Variants in ERICH1 observed in about 807,000 individuals in gnomAD.
ERICH1 encodes glutamate-rich protein 1.
ERICH1 carries 56 observed loss-of-function variants against 39.6 expected under a neutral mutation model. The ratio of observed to expected loss-of-function variants is 1.41; its 90% CI spans 1.14 to 1.77. The LOEUF is 1.77. Ranked by LOEUF, ERICH1 falls within the 40% of genes most tolerant of loss-of-function variation. The pLI, the probability that ERICH1 is intolerant of heterozygous loss-of-function variation, is 0.00. For missense variants in ERICH1, 826 were observed against 575.4 expected, an observed-to-expected ratio of 1.44 and a Z score of -4.45; for synonymous variants, 313 against 223.6, an observed-to-expected ratio of 1.40 and a Z score of -3.57.
chr8:698,566 T>C (rs1474187174), intron 2 of ERICH1, among the ~76,000 whole-genome samples: 2 of 152,072 alleles, frequency 1.3e-5, no homozygotes, highest in African/African-American at 4.8e-5. Context: ...TTTTCCTCAA[T>C]TCTCAATGAC....
intron 3 of ERICH1, among the ~76,000 whole-genome samples, chr8:642,889 C>T (rs1039578255): frequency 6.6e-6 from 1 of 152,108 alleles, no homozygotes; most frequent in Non-Finnish European, 1.5e-5. Flanking sequence ...TTCTGGGTAA[C>T]CAACAGGAAT....
intron 2 of ERICH1, among the ~76,000 whole-genome samples, chr8:698,247 C>G (rs13269399): frequency 0.18 from 27,075 of 149,096 alleles, 3,096 homozygotes; most frequent in Middle Eastern, 0.33. Flanking sequence ...GAGGTGGAGT[C>G]TCACTCTGTC....
At chr8:631,126 C>A (rs1798012169) in intron 3 of ERICH1, among the ~76,000 whole-genome samples, 2 of 152,250 alleles carry the variant, frequency 1.3e-5, no homozygotes, top group South Asian at 2.1e-4. Flanking sequence ...CCTATGATCA[C>A]CCACATGAGG....
intron 5 of ERICH1, among the ~76,000 whole-genome samples, chr8:665,310 C>T (rs1219682371): frequency 6.6e-6 from 1 of 152,216 alleles, no homozygotes; most frequent in Non-Finnish European, 1.5e-5. Flanking sequence ...AACCTCTGAG[C>T]CCGCCGGCCC....
At chr8:718,860 A>G (rs1816647282) in intron 1 of ERICH1, among the ~76,000 whole-genome samples, 1 of 152,122 alleles carries the variant, frequency 6.6e-6, no homozygotes, top group African/African-American at 2.4e-5. Flanking sequence ...CAGATTCGAG[A>G]GGGGTGGTTC....
intron 3 of ERICH1, among the ~76,000 whole-genome samples, chr8:688,266 G>C (rs1384558347): frequency 2.1e-3 from 98 of 46,188 alleles, no homozygotes; most frequent in African/African-American, 8.2e-3. Context: ...CCCGCCCCCA[G>C]TTCCGCCCGT....
At chr8:660,946 G>A (rs1238580288), downstream of ERICH1, among the ~76,000 whole-genome samples, 1 of 152,122 alleles carries the variant, frequency 6.6e-6, no homozygotes, top group Non-Finnish European at 1.5e-5. Context: ...GCTAGCTCCG[G>A]GTTCCTGGGA....
rs550072281 is a variant in ERICH1 at position 654,345 on chromosome 8, G to C, written c.976+14253C>G. Among the ~76,000 whole-genome samples the C allele has an allele frequency of 3.9e-5, 6 of 152,262 alleles. No homozygotes were observed. In the East Asian group the frequency reaches 1.2e-3, roughly 29 times the overall value. On this transcript the variant is annotated intron_variant, in intron 3 of 3. Coordinates refer to the ERICH1 transcript ENST00000522706. ...GTGCTACCATTAGGATGGATGGCCAGGAAGCTCCTTCAGAGGCTTGGTAAG... is the reference window on the plus strand; with the variant it reads ...GTGCTACCATTAGGATGGATGGCCACGAAGCTCCTTCAGAGGCTTGGTAAG...
chr8:642,102 T>G (rs1193502413), intron 3 of ERICH1, among the ~76,000 whole-genome samples: 1 of 152,176 alleles, frequency 6.6e-6, no homozygotes, highest in African/African-American at 2.4e-5. Flanking sequence ...TGATTTCACT[T>G]TGGGTGAGCA....
At chr8:687,411 G>GC (rs1226414768) in intron 3 of ERICH1, among the ~76,000 whole-genome samples, 1 of 152,234 alleles carries the variant, frequency 6.6e-6, no homozygotes, top group African/African-American at 2.4e-5. Flanking sequence ...TAAAAAGCCG[G>GC]CAACGCTCAC....
chr8:702,460 T>G (rs549385696), intron 2 of ERICH1, among the ~76,000 whole-genome samples: 7 of 151,988 alleles, frequency 4.6e-5, no homozygotes, highest in Admixed American at 1.3e-4. Flanking sequence ...ACTCCCTGAG[T>G]GCAGACACAC....
chr8:662,461 C>G (rs983841346), downstream of ERICH1, among the ~76,000 whole-genome samples: 2 of 124,808 alleles, frequency 1.6e-5, no homozygotes, highest in African/African-American at 8.1e-5. Context: ...CCAGCCTGAC[C>G]AACATGGAGA....
At chr8:712,482 T>A (rs1050624592) in intron 2 of ERICH1, among the ~76,000 whole-genome samples, 3 of 152,162 alleles carry the variant, frequency 2.0e-5, no homozygotes, top group African/African-American at 4.8e-5. Flanking sequence ...CAGGCTGGAG[T>A]GCAGTGACAT....
chr8:671,984 A>G lies in ERICH1; in HGVS notation c.1063+1305T>C, dbSNP rs562836718. 6.9e-4 allele frequency: 109 copies of G among 156,954 alleles called. 1 individual carries two copies. Among genetic ancestry groups the G allele is most frequent in the Non-Finnish European group, 1.4e-3 (100 of 70,806 alleles). 9.7% of individuals were successfully genotyped at this position (156,954 alleles called of 1,614,324 possible). A position where few individuals can be genotyped will look rare whatever the true frequency, so the allele number is the denominator to read the frequency against. On this transcript the variant is annotated intron_variant, in intron 4 of 5. Transcript: ENST00000262109. ...TTTTTCTGCCTCTCTGGGCTCCACC[A>G]GGTCCTTTCCCCAGACCCTCACCCA... is the stretch of plus-strand genomic sequence containing the variant.
intron 3 of ERICH1, among the ~76,000 whole-genome samples, chr8:623,770 T>A (rs1797427748): frequency 6.6e-6 from 1 of 152,174 alleles, no homozygotes; most frequent in South Asian, 2.1e-4. Context: ...ACCACAGACC[T>A]TAGTGTCATA....
At chr8:708,693 T>TTTTTTTTTTG (rs1563319603) in intron 2 of ERICH1, among the ~76,000 whole-genome samples, 9 of 126,962 alleles carry the variant, frequency 7.1e-5, no homozygotes, top group East Asian at 6.6e-4. Context: ...TTTTTTTTTT[T>TTTTTTTTTTG]TTTTTTTTTT....
chr8:673,155 A>C (rs1249834456), intron 4 of ERICH1, 134 bp downstream of exon 4: 2 of 1,084,826 alleles, frequency 1.8e-6, no homozygotes, highest in African/African-American at 3.2e-5. Flanking sequence ...TACTTATATT[A>C]GTTGCCTTAC....
chr8:643,970 G>A (rs964340952), intron 3 of ERICH1, among the ~76,000 whole-genome samples: 2 of 152,250 alleles, frequency 1.3e-5, no homozygotes, highest in African/African-American at 4.8e-5. Flanking sequence ...CAGCACGGTG[G>A]GCCTGACGGG....
intron 3 of ERICH1, among the ~76,000 whole-genome samples, chr8:632,288 G>T (rs1378106334): frequency 2.0e-5 from 3 of 151,792 alleles, no homozygotes; most frequent in Admixed American, 6.6e-5. Context: ...AACTATTGTT[G>T]CTTTCATCCA....
Sources: gnomAD v4.1 joint callset for allele counts (sites outside exome capture counted in the v4.1 genomes callset) on GRCh38, gnomAD v4.1.1 for gene constraint, MANE v1.5 for transcripts, NCBI Gene and HGNC (gene_info 2026-07-23, HGNC 2026-07-21) for gene names.